Variants in TBX19 observed in about 807,000 individuals in gnomAD.
TBX19 encodes T-box transcription factor 19, also known as T-box transcription factor TBX19.
In TBX19, 33 loss-of-function variants were observed where a neutral mutation model predicts 40.9. The observed-to-expected ratio is 0.81, with a 90% CI of 0.61 to 1.08. The LOEUF (loss-of-function observed/expected upper bound fraction) is 1.08, where lower values mean the gene tolerates loss of function less well. Ranked by LOEUF, TBX19 falls within the 50% of genes least tolerant of loss-of-function variation. TBX19 has a pLI of 0.00. For synonymous variants in TBX19, 220 were observed against 225.0 expected (o/e 0.98, Z 0.20); for missense variants, 494 against 574.0 (o/e 0.86, Z 1.42).
At chr1:168,293,317 GT>G (rs1456285361) in intron 3 of TBX19, 39 bp downstream of exon 3, 1 of 1,572,234 alleles carries the variant, frequency 6.4e-7, no homozygotes, top group African/African-American at 1.4e-5. Context: ...GTGTGTGTGT[GT>G]GTGTGTGTAA....
At chr1:168,312,339 T>A (rs1649544860) in intron 7 of TBX19, among the ~76,000 whole-genome samples, 1 of 152,228 alleles carries the variant, frequency 6.6e-6, no homozygotes. Flanking sequence ...TATGCCACAT[T>A]GGCCAGGGAG....
intron 6 of TBX19, 106 bp from the exon 7 acceptor site, chr1:168,308,636 C>A: frequency 7.2e-7 from 1 of 1,394,284 alleles, no homozygotes; most frequent in Non-Finnish European, 1.0e-6. Context: ...CTGTTGGTGC[C>A]TGTAGTGCAA....
chr1:168,298,905 C>T (rs868366652), intron 4 of TBX19, among the ~76,000 whole-genome samples: 4 of 132,188 alleles, frequency 3.0e-5, no homozygotes, highest in Non-Finnish European at 3.2e-5. Context: ...CTTTCTCTCT[C>T]TCTCTCTTTC....
At chr1:168,312,569 C>A in intron 7 of TBX19, 139 bp from the exon 8 acceptor site, 1 of 960,768 alleles carries the variant, frequency 1.0e-6, no homozygotes, top group Non-Finnish European at 1.6e-6. Context: ...CAATCTGCGT[C>A]ATAGCTAGAA....
chr1:168,312,700 C>G lies in TBX19; in HGVS notation c.1053-8C>G. On this transcript the variant is annotated splice_region_variant and splice_polypyrimidine_tract_variant and intron_variant, in intron 7 of 7. Coordinates refer to ENST00000367821, the MANE Select transcript of TBX19 (RefSeq NM_005149.3). Reference sequence around the variant, plus strand: ...ACATTCCCTTCCCCTCTTTCTCTGTCTCTGCAGCCCCTACCCGTGCCTGTG... The same window carrying G: ...ACATTCCCTTCCCCTCTTTCTCTGTGTCTGCAGCCCCTACCCGTGCCTGTG... The G allele has an allele frequency of 6.2e-7, 1 of 1,610,526 alleles. No individual in the cohort carries two copies.
At chr1:168,283,774 T>G (rs965439260) in intron 1 of TBX19, among the ~76,000 whole-genome samples, 45 of 152,224 alleles carry the variant, frequency 3.0e-4, no homozygotes, top group African/African-American at 1.1e-3. Flanking sequence ...TCATTCATAA[T>G]GTCACCTGGG....
intron 6 of TBX19, among the ~76,000 whole-genome samples, chr1:168,306,916 G>C (rs1459967625): frequency 2.0e-5 from 3 of 152,196 alleles, no homozygotes; most frequent in African/African-American, 7.2e-5. Flanking sequence ...AGGAGCAAAG[G>C]CTGCCCAGAG....
intron 1 of TBX19, among the ~76,000 whole-genome samples, chr1:168,285,222 CA>C (rs1572472376): frequency 6.6e-6 from 1 of 151,544 alleles, no homozygotes; most frequent in African/African-American, 2.4e-5. Context: ...TATGCCTGCT[CA>C]CCTTCACATA....
At chr1:168,306,776 A>G (rs569932138) in intron 6 of TBX19, among the ~76,000 whole-genome samples, 25 of 152,322 alleles carry the variant, frequency 1.6e-4, no homozygotes, top group African/African-American at 5.5e-4. Flanking sequence ...CTCCTGAGTC[A>G]GGGTCTGCAT....
At chr1:168,285,112 A>G (rs756017341) in intron 1 of TBX19, among the ~76,000 whole-genome samples, 3 of 152,148 alleles carry the variant, frequency 2.0e-5, no homozygotes, top group Non-Finnish European at 2.9e-5. Context: ...GATCATATGT[A>G]TTTATGTAAT....
intron 6 of TBX19, chr1:168,308,409 G>A: frequency 2.8e-6 from 1 of 359,768 alleles, no homozygotes. Context: ...GGCTGGTATG[G>A]TCCCTTCTTA....
chr1:168,297,804 G>C lies in TBX19; in HGVS notation c.665+19G>C. The C allele has an allele frequency of 1.9e-6, 3 of 1,596,868 alleles. No individual in the cohort carries two copies. The highest frequency in any genetic ancestry group is 2.6e-6 in the Non-Finnish European group (3 of 1,165,170). ...AGGAAAGGTAAGTAAAGAAATTTTA[G>C]TGAAATCTTCTAATGAATGATTTAT... On this transcript the variant is annotated intron_variant, in intron 4 of 7. Transcript: ENST00000367821.
intron 1 of TBX19, among the ~76,000 whole-genome samples, chr1:168,285,323 A>G (rs1400734699): frequency 2.0e-5 from 3 of 151,726 alleles, no homozygotes; most frequent in Non-Finnish European, 4.4e-5. Context: ...TCTGATGAGT[A>G]TTTGATAAAT....
At chr1:168,302,409 T>C (rs1436533256) in intron 5 of TBX19, among the ~76,000 whole-genome samples, 1 of 152,156 alleles carries the variant, frequency 6.6e-6, no homozygotes, top group Admixed American at 6.5e-5. Context: ...GAAGCCCAGG[T>C]GACAATCCTT....
Position 168,308,626 on chromosome 1 carries a change from C to T in TBX19, c.917-116C>T, listed in dbSNP as rs185112335. The T allele has an allele frequency of 3.9e-6, 5 of 1,290,770 alleles. No individual in the cohort carries two copies. The Admixed American group carries it at 5.2e-5, about 13-fold the overall frequency. The allele number at this position is 1,290,770 out of a possible 1,614,324, so 80.0% of individuals were successfully genotyped here. On this transcript the variant is annotated intron_variant, in intron 6 of 7. Coordinates refer to ENST00000367821, the MANE Select transcript of TBX19 (RefSeq NM_005149.3). ...ATTTCCCTGAGAAAGAACTAACAAA[C>T]TGTTGGTGCCTGTAGTGCAAGCCAT...
At chr1:168,312,123 A>C (rs1649539003) in intron 7 of TBX19, among the ~76,000 whole-genome samples, 1 of 152,256 alleles carries the variant, frequency 6.6e-6, no homozygotes, top group African/African-American at 2.4e-5. Context: ...CCATTTACTG[A>C]GTACTACATG....
chr1:168,285,064 G>A (rs959633102), intron 1 of TBX19, among the ~76,000 whole-genome samples: 2 of 151,936 alleles, frequency 1.3e-5, no homozygotes, highest in Admixed American at 6.6e-5. Context: ...ACAGCCCATG[G>A]GTATTTTTCT....
rs536294010 is a variant in TBX19 at position 168,292,601 on chromosome 1, G to A, written c.469-543G>A. Among the ~76,000 whole-genome samples the A allele has an allele frequency of 3.8e-4, 58 of 152,206 alleles. 1 individual carries two copies. Among genetic ancestry groups the A allele is most frequent in the Admixed American group, 3.1e-3 (47 of 15,294 alleles). ...ACTCCTCAGCCGGGCGCGGTGGCTC[G>A]CGCCTGTAATCCCAGCACTTTGGGA... On this transcript the variant is annotated intron_variant, in intron 2 of 7. Coordinates refer to ENST00000367821, the MANE Select transcript of TBX19 (RefSeq NM_005149.3).
chr1:168,310,099 T>C (rs1177662544), intron 7 of TBX19, among the ~76,000 whole-genome samples: 1 of 152,012 alleles, frequency 6.6e-6, no homozygotes, highest in Non-Finnish European at 1.5e-5. Context: ...GTCAGGAGTT[T>C]GAAACCAGCC....
Sources: allele counts gnomAD v4.1 joint callset (sites outside exome capture counted in the v4.1 genomes callset), GRCh38; gene constraint gnomAD v4.1.1; transcripts MANE v1.5; gene names NCBI Gene and HGNC (gene_info 2026-07-23, HGNC 2026-07-21).